RAPGEF2: variants seen among roughly 807,000 people sequenced by gnomAD.
The protein encoded by RAPGEF2 is PDZ domain containing guanine nucleotide exchange factor (GEF) 1.
In RAPGEF2, 54 loss-of-function variants were observed where a neutral mutation model predicts 186.7. That is an observed-to-expected ratio of 0.29 (90% CI 0.23 to 0.36). RAPGEF2 has a LOEUF of 0.36. Ranked by LOEUF, RAPGEF2 falls within the 10% of genes least tolerant of loss-of-function variation. The pLI, the probability that RAPGEF2 is intolerant of heterozygous loss-of-function variation, is 1.00. For missense variants in RAPGEF2, 1,532 were observed against 2,045.0 expected (o/e 0.75, Z 4.84); for synonymous variants, 712 against 705.9 (o/e 1.01, Z -0.14).
At position 159,136,030 on chromosome 4, in the gene RAPGEF2, G is replaced by A. The variant is rs992311350; in HGVS notation, c.69+31799G>A. 8.5e-5 allele frequency among the ~76,000 whole-genome samples: 13 copies of A among 152,178 alleles called. 1 individual carries two copies. The highest frequency in any genetic ancestry group is 3.3e-4 in the Admixed American group (5 of 15,288). On this transcript the variant is annotated intron_variant, in intron 1 of 29. Transcript: ENST00000691494. ...ATTTAAGTACATTTGTCAAAAGTAA[G>A]ACATTAATATTGAATCAATACCATT...
chr4:159,303,478 A>G (rs78044647), intron 7 of RAPGEF2, among the ~76,000 whole-genome samples: 1 of 152,104 alleles, frequency 6.6e-6, no homozygotes, highest in African/African-American at 2.4e-5. Context: ...ATAATGTGTG[A>G]TATTATAGAC....
intron 17 of RAPGEF2, among the ~76,000 whole-genome samples, chr4:159,336,296 G>A (rs182006418): frequency 6.6e-6 from 1 of 152,080 alleles, no homozygotes; most frequent in Admixed American, 6.5e-5. Context: ...TACCTAATGT[G>A]TAACTTTGTT....
chr4:159,142,517 T>C lies in RAPGEF2; in HGVS notation c.69+38286T>C, dbSNP rs551582923. ...GACTTACCAGAATACTTCATGGTTT[T>C]TTTTTTTTTATATGAAATTTTTCAA... On this transcript the variant is annotated intron_variant, in intron 1 of 29. Transcript: ENST00000691494. Among the ~76,000 whole-genome samples the C allele has an allele frequency of 6.6e-5, 10 of 152,076 alleles. No homozygotes were observed. The East Asian group carries it at 1.9e-3, about 29-fold the overall frequency.
intron 4 of RAPGEF2, among the ~76,000 whole-genome samples, chr4:159,238,449 T>C (rs1479860456): frequency 6.6e-6 from 1 of 152,220 alleles, no homozygotes; most frequent in African/African-American, 2.4e-5. Context: ...GGGACATTTC[T>C]ATAGTTTGCC....
chr4:159,266,042 C>T (rs1757386701), intron 7 of RAPGEF2, among the ~76,000 whole-genome samples: 1 of 152,056 alleles, frequency 6.6e-6, no homozygotes, highest in African/African-American at 2.4e-5. Context: ...GAGGAAAATA[C>T]CTGGTCTGGA....
intron 17 of RAPGEF2, among the ~76,000 whole-genome samples, chr4:159,335,835 CAA>C (rs778302629): frequency 0.014 from 685 of 48,082 alleles, 3 homozygotes; most frequent in African/African-American, 0.045. Flanking sequence ...GACTCCGTCT[CAA>C]AAAAAAAAAA....
chr4:159,295,766 C>A (rs565806749), intron 7 of RAPGEF2, among the ~76,000 whole-genome samples: 5 of 145,050 alleles, frequency 3.4e-5, no homozygotes, highest in Non-Finnish European at 5.9e-5. Context: ...CGCGCGCGCG[C>A]GCGCGCGCAT....
intron 7 of RAPGEF2, among the ~76,000 whole-genome samples, chr4:159,295,286 T>G (rs1283189187): frequency 6.6e-6 from 1 of 152,182 alleles, no homozygotes; most frequent in Non-Finnish European, 1.5e-5. Context: ...CTAGAGAATT[T>G]TTTGGAATCT....
At chr4:159,183,154 C>A (rs1217040706) in intron 1 of RAPGEF2, among the ~76,000 whole-genome samples, 4 of 152,174 alleles carry the variant, frequency 2.6e-5, no homozygotes, top group South Asian at 2.1e-4. Context: ...GGAACACTCA[C>A]AATTCACAGT....
chr4:159,331,019 G>T (rs1766615375), intron 13 of RAPGEF2, among the ~76,000 whole-genome samples: 1 of 152,112 alleles, frequency 6.6e-6, no homozygotes, highest in South Asian at 2.1e-4. Context: ...TTTATATTCT[G>T]CACCCTTACA....
intron 7 of RAPGEF2, among the ~76,000 whole-genome samples, chr4:159,272,577 G>A (rs888200282): frequency 2.0e-5 from 3 of 152,178 alleles, no homozygotes; most frequent in African/African-American, 7.2e-5. Flanking sequence ...TTTGCAGTTA[G>A]ATGACAGATT....
chr4:159,211,607 CAAG>C (rs1487388306), intron 4 of RAPGEF2, among the ~76,000 whole-genome samples: 1 of 152,108 alleles, frequency 6.6e-6, no homozygotes, highest in Non-Finnish European at 1.5e-5. Context: ...GAGTCTGAAA[CAAG>C]GAGAGGTAAT....
At chr4:159,276,022 A>AAAGGTACTAT (rs1009262015) in intron 7 of RAPGEF2, among the ~76,000 whole-genome samples, 1 of 152,204 alleles carries the variant, frequency 6.6e-6, no homozygotes, top group African/African-American at 2.4e-5. Flanking sequence ...AAGGACTAAT[A>AAAGGTACTAT]AAGGTACTAT....
At chr4:159,279,590 G>T (rs1174900024) in intron 7 of RAPGEF2, among the ~76,000 whole-genome samples, 1 of 152,124 alleles carries the variant, frequency 6.6e-6, no homozygotes. Context: ...ATATTTTATT[G>T]TTCCTCAGTC....
chr4:159,341,320 T>C (rs1729444871), intron 19 of RAPGEF2, among the ~76,000 whole-genome samples: 1 of 152,222 alleles, frequency 6.6e-6, no homozygotes, highest in African/African-American at 2.4e-5. Flanking sequence ...GGATAGAAAG[T>C]GCAACTAGTG....
intron 1 of RAPGEF2, among the ~76,000 whole-genome samples, chr4:159,124,553 T>A (rs548240898): frequency 4.6e-5 from 7 of 152,014 alleles, no homozygotes; most frequent in East Asian, 3.9e-4. Context: ...AGAAAAAAAA[T>A]TTAATAAGTC....
intron 1 of RAPGEF2, among the ~76,000 whole-genome samples, chr4:159,165,993 G>A (rs1000851395): frequency 2.9e-4 from 44 of 152,112 alleles, no homozygotes; most frequent in African/African-American, 1.0e-3. Context: ...TTAGGAAGTA[G>A]GACTAGTCAA....
intron 1 of RAPGEF2, among the ~76,000 whole-genome samples, chr4:159,133,563 C>T (rs931555423): frequency 6.6e-6 from 1 of 151,524 alleles, no homozygotes; most frequent in African/African-American, 2.4e-5. Flanking sequence ...GGGCGCCTGC[C>T]ACCACGCGTG....
chr4:159,149,558 A>G (rs1456847317), intron 1 of RAPGEF2, among the ~76,000 whole-genome samples: 5 of 152,164 alleles, frequency 3.3e-5, no homozygotes, highest in Admixed American at 6.5e-5. Flanking sequence ...CGCCTGGCCT[A>G]AAGTTTTAGT....
Sources: gnomAD v4.1 joint callset for allele counts (sites outside exome capture counted in the v4.1 genomes callset) on GRCh38, gnomAD v4.1.1 for gene constraint, MANE v1.5 for transcripts, NCBI Gene and HGNC (gene_info 2026-07-23, HGNC 2026-07-21) for gene names.